The following PALM2AKAP2 variants were observed in gnomAD, a reference collection of about 807,000 sequenced individuals.
PALM2AKAP2 encodes PALM2-AKAP2 fusion protein.
Under a neutral mutation model 71.5 loss-of-function variants are expected in PALM2AKAP2, and 37 were observed. The observed-to-expected ratio is 0.52, with a 90% CI of 0.40 to 0.68. The LOEUF (loss-of-function observed/expected upper bound fraction) is 0.68, where lower values mean the gene tolerates loss of function less well. Ranked by LOEUF, PALM2AKAP2 falls within the 30% of genes least tolerant of loss-of-function variation. The pLI is 0.00. For synonymous variants in PALM2AKAP2, 468 were observed against 478.8 expected, an observed-to-expected ratio of 0.98 and a Z score of 0.29; for missense variants, 1,224 against 1,191.8, an observed-to-expected ratio of 1.03 and a Z score of -0.40.
At chr9:109,802,889 T>C (rs925764908) in intron 1 of PALM2AKAP2, among the ~76,000 whole-genome samples, 10 of 152,080 alleles carry the variant, frequency 6.6e-5, no homozygotes, top group Non-Finnish European at 1.0e-4. Flanking sequence ...GGAATGCTGA[T>C]GCAAAAGCAG....
At chr9:110,164,629 C>T (rs750646283) in intron 3 of PALM2AKAP2, among the ~76,000 whole-genome samples, 1 of 151,042 alleles carries the variant, frequency 6.6e-6, no homozygotes, top group Non-Finnish European at 1.5e-5. Flanking sequence ...CTCCCATGCT[C>T]AGGCGAGTCT....
At chr9:109,874,232 T>C (rs1248682328) in intron 2 of PALM2AKAP2, among the ~76,000 whole-genome samples, 1 of 152,196 alleles carries the variant, frequency 6.6e-6, no homozygotes. Flanking sequence ...AGAGCATCAA[T>C]ATGGAACCCA....
At chr9:110,052,851 A>G (rs1261575247) in intron 1 of PALM2AKAP2, among the ~76,000 whole-genome samples, 1 of 152,186 alleles carries the variant, frequency 6.6e-6, no homozygotes, top group Non-Finnish European at 1.5e-5. Context: ...GGATTATGGA[A>G]CTGTAATTGT....
intron 6 of PALM2AKAP2, among the ~76,000 whole-genome samples, chr9:109,994,157 A>G (rs1057496571): frequency 2.6e-5 from 4 of 152,226 alleles, no homozygotes; most frequent in Non-Finnish European, 5.9e-5. Context: ...TTTTATTCAC[A>G]TCGTATATCA....
intron 1 of PALM2AKAP2, among the ~76,000 whole-genome samples, chr9:110,094,239 A>G (rs187021896): frequency 9.8e-5 from 15 of 152,330 alleles, no homozygotes; most frequent in African/African-American, 2.6e-4. Flanking sequence ...TAATACCACA[A>G]TGCACCACTG....
chr9:110,142,314 C>T (rs755001380), intron 2 of PALM2AKAP2, among the ~76,000 whole-genome samples: 2 of 152,046 alleles, frequency 1.3e-5, no homozygotes, highest in Non-Finnish European at 2.9e-5. Flanking sequence ...GTCTCCAACT[C>T]CTGATCCGCC....
In PALM2AKAP2 at chr9:109,899,331, G is replaced by T. The variant is rs117307188; in HGVS notation, c.257+18650G>T. Reference sequence around the variant, plus strand: ...CCCTTTCAAATCCTCTATCTAATCAGTAATTTTATATAATAAAAGGATTCT... The same window carrying T: ...CCCTTTCAAATCCTCTATCTAATCATTAATTTTATATAATAAAAGGATTCT... On this transcript the variant is annotated intron_variant, in intron 3 of 9. Coordinates refer to the PALM2AKAP2 transcript ENST00000302798. Among the ~76,000 whole-genome samples, 910 of 152,218 alleles carry T rather than the reference G, an allele frequency of 6.0e-3. 7 individuals carry two copies. The highest frequency in any genetic ancestry group is 7.7e-3 in the Non-Finnish European group (526 of 68,026).
chr9:110,090,563 A>G (rs1834684354), intron 1 of PALM2AKAP2: 1 of 382,090 alleles, frequency 2.6e-6, no homozygotes, highest in African/African-American at 2.1e-5. Context: ...TCACCCAGAG[A>G]GAAAAAGCAT....
At chr9:109,977,391 C>T (rs953832629) in intron 6 of PALM2AKAP2, among the ~76,000 whole-genome samples, 3 of 152,138 alleles carry the variant, frequency 2.0e-5, no homozygotes, top group Admixed American at 6.5e-5. Context: ...GCTTTCTGTT[C>T]ATGTGGGCTT....
chr9:110,057,563 A>G (rs577589567), intron 1 of PALM2AKAP2, among the ~76,000 whole-genome samples: 2 of 151,778 alleles, frequency 1.3e-5, no homozygotes, highest in African/African-American at 4.8e-5. Flanking sequence ...TATTTTTAGT[A>G]GAGACGGGGT....
intron 1 of PALM2AKAP2, among the ~76,000 whole-genome samples, chr9:109,787,143 G>A (rs749788251): frequency 3.3e-5 from 5 of 152,186 alleles, no homozygotes; most frequent in South Asian, 2.1e-4. Context: ...AAGACCTGGC[G>A]CAAGTCCTGG....
chr9:109,776,864 T>C (rs530920491), upstream of PALM2AKAP2, among the ~76,000 whole-genome samples: 123 of 152,354 alleles, frequency 8.1e-4, no homozygotes, highest in African/African-American at 2.9e-3. Context: ...GCTTTTTTTA[T>C]TGTGGGTCTC....
chr9:110,008,096 G>C (rs993372722), intron 6 of PALM2AKAP2, among the ~76,000 whole-genome samples: 2 of 152,176 alleles, frequency 1.3e-5, no homozygotes, highest in Admixed American at 6.5e-5. Flanking sequence ...GGGAAAGTTT[G>C]AGTTATACCT....
chr9:109,985,809 C>G (rs1020609985), intron 6 of PALM2AKAP2, among the ~76,000 whole-genome samples: 1 of 151,938 alleles, frequency 6.6e-6, no homozygotes, highest in African/African-American at 2.4e-5. Context: ...ACCACCATGC[C>G]CGGCTAATTT....
chr9:110,131,451 C>A (rs1199615562), intron 1 of PALM2AKAP2, among the ~76,000 whole-genome samples: 1 of 152,212 alleles, frequency 6.6e-6, no homozygotes, highest in Admixed American at 6.5e-5. Flanking sequence ...TCTGGAATCA[C>A]GTTCGCCTAA....
At chr9:109,835,020 T>G (rs1317533381) in intron 1 of PALM2AKAP2, among the ~76,000 whole-genome samples, 1 of 152,056 alleles carries the variant, frequency 6.6e-6, no homozygotes, top group African/African-American at 2.4e-5. Flanking sequence ...GGGTCTGCAC[T>G]TAGATTCCTC....
At chr9:110,014,802 AAATGTATATATATATATATAT>A (rs1464455577) in intron 6 of PALM2AKAP2, among the ~76,000 whole-genome samples, 2 of 41,468 alleles carry the variant, frequency 4.8e-5, no homozygotes, top group African/African-American at 3.4e-4. Flanking sequence ...AAAAAAAAAA[AAATGTATATATATATATATAT>A]ATATATATAT....
chr9:109,752,042 T>C (rs1376939330), intron 1 of PALM2AKAP2, among the ~76,000 whole-genome samples: 1 of 152,202 alleles, frequency 6.6e-6, no homozygotes. Flanking sequence ...CTTTCATGTA[T>C]TCATTTGTTT....
intron 1 of PALM2AKAP2, among the ~76,000 whole-genome samples, chr9:110,116,387 T>C (rs917648299): frequency 5.9e-5 from 9 of 151,498 alleles, no homozygotes; most frequent in African/African-American, 1.7e-4. Context: ...TGTGTGTGTG[T>C]GCGCATGTGT....
Sources: gnomAD v4.1 joint callset for allele counts (sites outside exome capture counted in the v4.1 genomes callset) on GRCh38, gnomAD v4.1.1 for gene constraint, MANE v1.5 for transcripts, NCBI Gene and HGNC (gene_info 2026-07-23, HGNC 2026-07-21) for gene names.